ZNF366: variants seen among roughly 807,000 people sequenced by gnomAD.
ZNF366 encodes dendritic cell-specific transcript protein.
In ZNF366, 20 loss-of-function variants were observed where a neutral mutation model predicts 47.2. That is an observed-to-expected ratio of 0.42 (90% confidence interval 0.30 to 0.62). ZNF366 has a LOEUF of 0.62. Among genes scored for constraint, ZNF366 ranks in the 20% least tolerant of loss-of-function variants. ZNF366 has a pLI of 0.16. For synonymous variants in ZNF366, 421 were observed against 395.1 expected (o/e 1.07, Z -0.78); for missense variants, 987 against 976.3 (o/e 1.01, Z -0.15).
At chr5:72,446,773 T>C (rs1019663015) in intron 4 of ZNF366, among the ~76,000 whole-genome samples, 9 of 152,134 alleles carry the variant, frequency 5.9e-5, no homozygotes, top group Admixed American at 3.3e-4. Context: ...AAAGAAAAAT[T>C]GCGTGCCCAT....
intron 2 of ZNF366, 33 bp downstream of exon 2, chr5:72,460,132 G>A (rs779504357): frequency 2.5e-6 from 4 of 1,600,016 alleles, no homozygotes; most frequent in South Asian, 2.3e-5. Context: ...TCTTCCCAAG[G>A]CCCCGTCCGC....
In ZNF366 at chr5:72,443,516, A is replaced by G. The variant is rs1742896289; in HGVS notation, c.*240T>C. On this transcript the variant is annotated 3_prime_UTR_variant, in exon 5 of 5. Coordinates refer to ENST00000318442, the MANE Select transcript of ZNF366 (RefSeq NM_152625.3). ...ATATCTGGAAGAATACTCACAGTTTATTATACTGGCAATGCATAAAACGCC... is the reference window on the plus strand; with the variant it reads ...ATATCTGGAAGAATACTCACAGTTTGTTATACTGGCAATGCATAAAACGCC... 5 of 464,088 alleles carry G rather than the reference A, an allele frequency of 1.1e-5. No homozygotes were observed. Among genetic ancestry groups the G allele is most frequent in the Non-Finnish European group, 1.1e-5 (3 of 262,938 alleles). 28.7% of individuals were successfully genotyped at this position (464,088 alleles called of 1,614,324 possible). A position where few individuals can be genotyped will look rare whatever the true frequency, so the allele number is the denominator to read the frequency against.
chr5:72,463,815 A>G (rs528550159), intron 1 of ZNF366, among the ~76,000 whole-genome samples: 7 of 152,356 alleles, frequency 4.6e-5, no homozygotes, highest in African/African-American at 1.7e-4. Context: ...CTAGATTCAC[A>G]TAGAGTTATA....
chr5:72,460,166 T>C lies in ZNF366; in HGVS notation c.1331A>G (p.Lys444Arg), dbSNP rs1198828138. The C allele has an allele frequency of 5.6e-6, 9 of 1,613,794 alleles. 1 individual carries two copies. Among genetic ancestry groups the C allele is most frequent in the South Asian group, 4.4e-5 (4 of 91,032 alleles). The change falls in exon 2 of 5, where the codon AAG (lysine) becomes AGG (arginine). Residue 444 changes from lysine (K) to arginine (R), a missense_variant and splice_region_variant. This residue lies in a region of ZNF366 where 111 missense variants were observed against 180.5 expected (regional missense o/e 0.61). Transcript: ENST00000318442. ...HHLKQHSLTH[K>R]GVKEHKCGIC... ...GCCCCACCAGAGGCCCCGCAGTACC[T>C]TGTGGGTGAGGGAGTGCTGCTTGAG...
intron 1 of ZNF366, among the ~76,000 whole-genome samples, chr5:72,486,275 G>A (rs1743891089): frequency 6.6e-6 from 1 of 152,234 alleles, no homozygotes; most frequent in Admixed American, 6.5e-5. Flanking sequence ...CTTGAGACCA[G>A]CCATTGGGCT....
At chr5:72,485,475 C>T (rs1743873568) in intron 1 of ZNF366, among the ~76,000 whole-genome samples, 1 of 152,176 alleles carries the variant, frequency 6.6e-6, no homozygotes, top group Non-Finnish European at 1.5e-5. Context: ...ATTAGCAAAT[C>T]CTACGGGCTC....
intron 3 of ZNF366, among the ~76,000 whole-genome samples, chr5:72,450,851 CA>C (rs998310219): frequency 1.3e-5 from 2 of 152,198 alleles, no homozygotes; most frequent in Non-Finnish European, 2.9e-5. Context: ...AGAAACCTCT[CA>C]CACACTGTTA....
chr5:72,494,003 C>T (rs569225358), intron 1 of ZNF366, among the ~76,000 whole-genome samples: 1 of 145,792 alleles, frequency 6.9e-6, no homozygotes, highest in South Asian at 2.2e-4. Context: ...GAACTCCTGA[C>T]CTTATGATCT....
chr5:72,463,077 C>G (rs1034540077), intron 1 of ZNF366, among the ~76,000 whole-genome samples: 2 of 152,242 alleles, frequency 1.3e-5, no homozygotes, highest in Non-Finnish European at 2.9e-5. Context: ...TAACTCAGGG[C>G]TCTAGCCCTT....
chr5:72,505,188 T>G (rs1744295912), intron 1 of ZNF366, among the ~76,000 whole-genome samples: 1 of 152,222 alleles, frequency 6.6e-6, no homozygotes, highest in African/African-American at 2.4e-5. Context: ...AAAGAGCCTC[T>G]GATGACCCCC....
intron 1 of ZNF366, among the ~76,000 whole-genome samples, chr5:72,478,631 CT>C (rs1743723474): frequency 6.6e-6 from 1 of 152,144 alleles, no homozygotes; most frequent in African/African-American, 2.4e-5. Flanking sequence ...ATTTTTACCC[CT>C]AGAAAAGAAA....
chr5:72,482,696 A>G (rs1242296404), intron 1 of ZNF366, among the ~76,000 whole-genome samples: 2 of 151,522 alleles, frequency 1.3e-5, no homozygotes, highest in African/African-American at 4.9e-5. Context: ...TTGTCTTCCT[A>G]TGGCAGTCAA....
intron 1 of ZNF366, among the ~76,000 whole-genome samples, chr5:72,473,275 A>T (rs1416049185): frequency 6.6e-6 from 1 of 152,240 alleles, no homozygotes; most frequent in Non-Finnish European, 1.5e-5. Flanking sequence ...CAAGAGGTAG[A>T]GGGAGATTGT....
Position 72,447,459 on chromosome 5 carries a change from G to A in ZNF366, c.1525-42C>T, listed in dbSNP as rs748161737. On this transcript the variant is annotated intron_variant, in intron 3 of 4. Coordinates refer to ENST00000318442, the MANE Select transcript of ZNF366 (RefSeq NM_152625.3). ...TGAGAACACAGGTTACTCTGCCCGA[G>A]TGAAGCCCCATCCAGGCCCCTGGAG... 16 of 1,607,910 alleles carry A rather than the reference G, an allele frequency of 1.0e-5. No homozygotes were observed. In the Admixed American group the frequency reaches 2.0e-4, roughly 20 times the overall value.
At chr5:72,460,107 T>C (rs1743268884) in intron 2 of ZNF366, 58 bp downstream of exon 2, 4 of 1,572,578 alleles carry the variant, frequency 2.5e-6, no homozygotes, top group Admixed American at 1.7e-5. Context: ...AGTGCTCTGC[T>C]CAGGGCCCCG....
intron 1 of ZNF366, among the ~76,000 whole-genome samples, chr5:72,482,089 C>A (rs1204299440): frequency 6.6e-6 from 1 of 152,154 alleles, no homozygotes; most frequent in East Asian, 1.9e-4. Context: ...TAATTTCCTC[C>A]TCCTCTGCAC....
At chr5:72,501,938 A>G (rs1744218508) in intron 1 of ZNF366, among the ~76,000 whole-genome samples, 1 of 152,224 alleles carries the variant, frequency 6.6e-6, no homozygotes, top group Non-Finnish European at 1.5e-5. Context: ...CATGCACACA[A>G]CAGCAGAACA....
At chr5:72,462,227 A>G (rs1743329887) in intron 1 of ZNF366, among the ~76,000 whole-genome samples, 1 of 152,218 alleles carries the variant, frequency 6.6e-6, no homozygotes, top group South Asian at 2.1e-4. Context: ...GAGTAGCTCA[A>G]TGTTATAAAG....
At chr5:72,495,430 A>G (rs1200905200) in intron 1 of ZNF366, among the ~76,000 whole-genome samples, 1 of 152,148 alleles carries the variant, frequency 6.6e-6, no homozygotes, top group South Asian at 2.1e-4. Flanking sequence ...CTGGGGTTTC[A>G]TCTCAAGCAG....
Sources: allele counts gnomAD v4.1 joint callset (sites outside exome capture counted in the v4.1 genomes callset), GRCh38; gene constraint gnomAD v4.1.1; regional missense constraint gnomAD v4.1.1; transcripts MANE v1.5; gene names NCBI Gene and HGNC (gene_info 2026-07-23, HGNC 2026-07-21).